The following ROR1 variants were observed in gnomAD, a reference collection of about 807,000 sequenced individuals.
ROR1 encodes the protein inactive tyrosine-protein kinase transmembrane receptor ROR1.
In ROR1, 19 loss-of-function variants were observed where a neutral mutation model predicts 78.8. The ratio of observed to expected loss-of-function variants is 0.24; its 90% CI spans 0.17 to 0.35. The LOEUF is 0.35. ROR1 is among the 10% of genes least tolerant of loss of function. ROR1 has a pLI of 1.00. For synonymous variants in ROR1, 386 were observed against 433.6 expected (o/e 0.89, Z 1.36); for missense variants, 917 against 1,177.8 (o/e 0.78, Z 3.24).
chr1:63,815,464 T>A (rs1644885312), intron 1 of ROR1, among the ~76,000 whole-genome samples: 1 of 144,466 alleles, frequency 6.9e-6, no homozygotes. Context: ...TTTCTTTTTC[T>A]TTTCTTTTCT....
At chr1:64,148,627 C>T (rs1285508832) in intron 7 of ROR1, among the ~76,000 whole-genome samples, 1 of 152,190 alleles carries the variant, frequency 6.6e-6, no homozygotes, top group South Asian at 2.1e-4. Flanking sequence ...TGTACTTTCT[C>T]TAATAAAGGC....
At chr1:63,836,370 C>A (rs1305951886) in intron 1 of ROR1, among the ~76,000 whole-genome samples, 3 of 152,112 alleles carry the variant, frequency 2.0e-5, no homozygotes, top group Non-Finnish European at 4.4e-5. Flanking sequence ...AATTTACGAA[C>A]CATAAATAGT....
intron 1 of ROR1, among the ~76,000 whole-genome samples, chr1:63,827,096 G>C (rs1644958435): frequency 1.3e-5 from 2 of 152,116 alleles, no homozygotes; most frequent in South Asian, 4.1e-4. Flanking sequence ...TGTCTTTTGA[G>C]AAGTGTCTGT....
chr1:64,056,345 T>C (rs981976030), intron 4 of ROR1, among the ~76,000 whole-genome samples: 11 of 128,730 alleles, frequency 8.5e-5, no homozygotes, highest in African/African-American at 2.8e-4. Context: ...TTATTTTCCT[T>C]ATTTAAAAAT....
chr1:64,175,505 A>G (rs889237444), intron 8 of ROR1, among the ~76,000 whole-genome samples: 7 of 152,238 alleles, frequency 4.6e-5, no homozygotes, highest in South Asian at 4.1e-4. Context: ...AACTAGATCA[A>G]TAAGATTTAA....
intron 2 of ROR1, among the ~76,000 whole-genome samples, chr1:64,023,556 A>C (rs1646582640): frequency 6.6e-6 from 1 of 151,204 alleles, no homozygotes; most frequent in Non-Finnish European, 1.5e-5. Flanking sequence ...CAAAACAAAA[A>C]ACTAGCTCTT....
At chr1:63,931,904 G>C (rs1166762013) in intron 1 of ROR1, among the ~76,000 whole-genome samples, 1 of 152,098 alleles carries the variant, frequency 6.6e-6, no homozygotes, top group Non-Finnish European at 1.5e-5. Flanking sequence ...CTTTATCACA[G>C]GTATGTGTGT....
At chr1:63,779,826 C>G (rs536944520) in intron 1 of ROR1, among the ~76,000 whole-genome samples, 41 of 152,130 alleles carry the variant, frequency 2.7e-4, no homozygotes, top group African/African-American at 8.0e-4. Flanking sequence ...CCCAGCCACA[C>G]CCCCCAGAAC....
Position 64,156,029 on chromosome 1 carries a change from T to C in ROR1, c.1175-2952T>C, listed in dbSNP as rs377073200. On this transcript the variant is annotated intron_variant, in intron 7 of 8. Transcript: ENST00000371079. Reference sequence around the variant, plus strand: ...AATCGTATTTATTCCATTGAATAAATGAGGAAATGGAGATCAGAGAGATTG... The same window carrying C: ...AATCGTATTTATTCCATTGAATAAACGAGGAAATGGAGATCAGAGAGATTG... Among the ~76,000 whole-genome samples the C allele has an allele frequency of 1.5e-4, 23 of 152,260 alleles. 1 individual carries two copies. In the South Asian group the frequency reaches 4.8e-3, roughly 32 times the overall value.
At chr1:63,893,196 G>A (rs1425741172) in intron 1 of ROR1, among the ~76,000 whole-genome samples, 1 of 152,094 alleles carries the variant, frequency 6.6e-6, no homozygotes, top group African/African-American at 2.4e-5. Flanking sequence ...CAGTGTCACT[G>A]GGAGGATTTT....
intron 8 of ROR1, among the ~76,000 whole-genome samples, chr1:64,170,759 A>G (rs1432447994): frequency 1.3e-5 from 2 of 152,214 alleles, no homozygotes; most frequent in Admixed American, 1.3e-4. Context: ...TTTGCTGCTT[A>G]GAAATTTCTT....
At chr1:64,052,441 T>C (rs1055115321) in intron 4 of ROR1, among the ~76,000 whole-genome samples, 3 of 152,196 alleles carry the variant, frequency 2.0e-5, no homozygotes, top group African/African-American at 7.2e-5. Context: ...TGCATTAGAG[T>C]TCTTTTTATT....
chr1:63,855,397 C>T (rs916169412), intron 1 of ROR1, among the ~76,000 whole-genome samples: 1 of 152,156 alleles, frequency 6.6e-6, no homozygotes, highest in Non-Finnish European at 1.5e-5. Flanking sequence ...ATATTTGATA[C>T]TTAATTCGCT....
At position 64,049,878 on chromosome 1, in the gene ROR1, G is replaced by A. The variant is rs755809255; in HGVS notation, c.351G>A (p.Arg117=). The change falls in exon 3 of 9, where the codon CGG becomes CGA. Residue 117 remains arginine (R), a synonymous_variant. Coordinates refer to ENST00000371079, the MANE Select transcript of ROR1 (RefSeq NM_005012.4). The part of the protein sequence containing the change: ...FRSTIYGSRL[R]IRNLDTTDTG... ...CCACCATCTATGGCTCTCGGCTGCG[G>A]ATTAGAAACCTCGACACCACAGACA... is the stretch of plus-strand genomic sequence containing the variant. 3 of 1,614,100 alleles carry A rather than the reference G, an allele frequency of 1.9e-6. No homozygotes were observed. The highest frequency in any genetic ancestry group is 2.7e-5 in the African/African-American group (2 of 74,930).
chr1:64,014,990 A>G (rs534785619), intron 2 of ROR1, among the ~76,000 whole-genome samples: 6 of 151,478 alleles, frequency 4.0e-5, no homozygotes, highest in Non-Finnish European at 5.9e-5. Context: ...ACTGGGAAGA[A>G]AAAGAGGTTT....
intron 1 of ROR1, among the ~76,000 whole-genome samples, chr1:63,864,926 C>A (rs549887668): frequency 6.6e-6 from 1 of 151,032 alleles, no homozygotes; most frequent in South Asian, 2.1e-4. Flanking sequence ...TATCAATAAG[C>A]TTTTTATTAC....
chr1:63,781,405 G>A lies in ROR1; in HGVS notation c.91+6897G>A, dbSNP rs112714660. Among the ~76,000 whole-genome samples, 26 of 152,224 alleles carry A rather than the reference G, an allele frequency of 1.7e-4. No individual in the cohort carries two copies. In the East Asian group the frequency reaches 2.3e-3, roughly 14 times the overall value. On this transcript the variant is annotated intron_variant, in intron 1 of 8. Transcript: ENST00000371079. Reference sequence around the variant, plus strand: ...GAAGGTAAGTATCTCAGCCAAATTCGTACAATGATTAAGTTGGGATTTGGG... The same window carrying A: ...GAAGGTAAGTATCTCAGCCAAATTCATACAATGATTAAGTTGGGATTTGGG...
intron 1 of ROR1, among the ~76,000 whole-genome samples, chr1:63,918,758 T>C (rs1645630225): frequency 1.3e-5 from 2 of 152,122 alleles, no homozygotes; most frequent in Admixed American, 6.6e-5. Flanking sequence ...GAGGGCCAAA[T>C]GCTGCCCACA....
chr1:64,064,529 G>A (rs80310215), intron 4 of ROR1, among the ~76,000 whole-genome samples: 13 of 152,162 alleles, frequency 8.5e-5, no homozygotes, highest in South Asian at 6.2e-4. Flanking sequence ...GGCAAGGAAC[G>A]GATCTGAAGA....
Sources: gnomAD v4.1 joint callset for allele counts (sites outside exome capture counted in the v4.1 genomes callset) on GRCh38, gnomAD v4.1.1 for gene constraint, MANE v1.5 for transcripts, NCBI Gene and HGNC (gene_info 2026-07-23, HGNC 2026-07-21) for gene names.